Variants in EYA4 observed in about 807,000 individuals in gnomAD.
EYA4 encodes the protein EYA transcriptional coactivator and phosphatase 4, also known as protein phosphatase EYA4.
EYA4 carries 31 observed loss-of-function variants against 87.9 expected under a neutral mutation model. The ratio of observed to expected loss-of-function variants is 0.35; its 90% CI spans 0.27 to 0.48. EYA4 has a LOEUF of 0.48. EYA4 is among the 20% of genes least tolerant of loss of function. The pLI is 0.99. For missense variants in EYA4, 678 were observed against 761.4 expected, an observed-to-expected ratio of 0.89 and a Z score of 1.29; for synonymous variants, 263 against 270.6, an observed-to-expected ratio of 0.97 and a Z score of 0.28.
chr6:133,405,604 A>T (rs211618), intron 3 of EYA4, among the ~76,000 whole-genome samples: 13,088 of 152,246 alleles, frequency 0.086, 670 homozygotes, highest in Non-Finnish European at 0.11. Context: ...AATGTCAATT[A>T]TGTTCCAGGC....
intron 2 of EYA4, among the ~76,000 whole-genome samples, chr6:133,313,794 C>T (rs1044126887): frequency 2.0e-5 from 3 of 152,050 alleles, no homozygotes; most frequent in Admixed American, 6.6e-5. Context: ...CTGTCAGTTT[C>T]ATTCATTTCA....
In EYA4 at chr6:133,461,136, C is replaced by T; in HGVS notation, c.393C>T (p.Ser131=). 6.2e-7 allele frequency: 1 copy of T among 1,612,966 alleles called. No individual in the cohort carries two copies. The highest frequency in any genetic ancestry group is 2.2e-5 in the East Asian group (1 of 44,846). ...CAGTAATTACAAGTAGTGGCTACAG[C>T]CCCAGATCAGCACATCAGTATTCCC... is the stretch of plus-strand genomic sequence containing the variant. ...TGSVITSSGY[S]PRSAHQYSPQ... is the part of the protein sequence containing the mutation. The change falls in exon 7 of 20, where the codon AGC becomes AGT. Residue 131 remains serine (S), a synonymous_variant. Coordinates refer to ENST00000355286, the MANE Select transcript of EYA4 (RefSeq NM_004100.5).
chr6:133,393,832 G>T (rs557472961), intron 3 of EYA4, among the ~76,000 whole-genome samples: 1 of 152,076 alleles, frequency 6.6e-6, no homozygotes, highest in East Asian at 1.9e-4. Context: ...CTAAGACTAG[G>T]GCTCTCTCCT....
chr6:133,519,502 C>A (rs1169340976), intron 17 of EYA4, among the ~76,000 whole-genome samples: 10 of 151,284 alleles, frequency 6.6e-5, no homozygotes, highest in Admixed American at 5.9e-4. Context: ...GGCAATAATC[C>A]ATAGCTTACC....
intron 2 of EYA4, among the ~76,000 whole-genome samples, chr6:133,334,242 G>A (rs532755400): frequency 6.6e-5 from 10 of 152,208 alleles, no homozygotes; most frequent in African/African-American, 2.4e-4. Context: ...TAAAAAATCC[G>A]ATTTTAAAGA....
At chr6:133,415,290 C>CT (rs1444640579) in intron 3 of EYA4, among the ~76,000 whole-genome samples, 1 of 152,284 alleles carries the variant, frequency 6.6e-6, no homozygotes, top group South Asian at 2.1e-4. Flanking sequence ...TACCTATCTT[C>CT]TTTTTTGTAA....
At chr6:133,413,253 A>G (rs924003309) in intron 3 of EYA4, among the ~76,000 whole-genome samples, 3 of 152,242 alleles carry the variant, frequency 2.0e-5, no homozygotes, top group East Asian at 1.9e-4. Context: ...TAAACTTACT[A>G]TGTTTCATCT....
rs547345605 is a variant in EYA4 at position 133,319,355 on chromosome 6, A to T, written c.33+44542A>T. On this transcript the variant is annotated intron_variant, in intron 2 of 19. Transcript: ENST00000355286. Reference sequence around the variant, plus strand: ...GTATCTGTAATTGCCAGGAAACTAGATGAGTAAAAATCTTCCCTATGGATT... The same window carrying T: ...GTATCTGTAATTGCCAGGAAACTAGTTGAGTAAAAATCTTCCCTATGGATT... Among the ~76,000 whole-genome samples, 29 of 152,340 alleles carry T rather than the reference A, an allele frequency of 1.9e-4. No individual in the cohort carries two copies. The South Asian group carries it at 5.6e-3, about 29-fold the overall frequency.
At chr6:133,496,011 TATC>T (rs1323339330) in intron 13 of EYA4, among the ~76,000 whole-genome samples, 8 of 152,250 alleles carry the variant, frequency 5.3e-5, no homozygotes, top group African/African-American at 1.7e-4. Flanking sequence ...CAATGCATGT[TATC>T]ATATTAAAGG....
intron 2 of EYA4, among the ~76,000 whole-genome samples, chr6:133,326,829 A>G (rs1044934836): frequency 3.9e-5 from 6 of 152,174 alleles, no homozygotes; most frequent in Non-Finnish European, 8.8e-5. Context: ...TGACGTCGTC[A>G]TCTTCCATGT....
chr6:133,510,355 T>C, intron 14 of EYA4: 1 of 194,642 alleles, frequency 5.1e-6, no homozygotes, highest in Non-Finnish European at 1.1e-5. Flanking sequence ...ATGGGCAACT[T>C]CATGTGACAC....
At chr6:133,309,836 A>G (rs1026552002) in intron 2 of EYA4, among the ~76,000 whole-genome samples, 2 of 152,202 alleles carry the variant, frequency 1.3e-5, no homozygotes, top group African/African-American at 4.8e-5. Flanking sequence ...CTAGAGCTTC[A>G]TCTTATTCTT....
rs778813435 is a variant in EYA4 at position 133,513,501 on chromosome 6, GTTTAT to G, written c.1501+469_1501+473del. ...ATGTCATTTCAAAGACTTTCAACAG[GTTTAT>G]TTTATCTTTTAAAAAAATCATGTTT... On this transcript the variant is annotated intron_variant, in intron 16 of 19. Coordinates refer to ENST00000355286, the MANE Select transcript of EYA4 (RefSeq NM_004100.5). Among the ~76,000 whole-genome samples the G allele has an allele frequency of 7.2e-4, 109 of 152,088 alleles. 1 individual carries two copies. Among genetic ancestry groups the G allele is most frequent in the Middle Eastern group, 6.8e-3 (2 of 294 alleles).
At chr6:133,320,480 G>GT (rs66590855) in intron 2 of EYA4, among the ~76,000 whole-genome samples, 64,478 of 149,384 alleles carry the variant, frequency 0.43, 14,425 homozygotes, top group Non-Finnish European at 0.51. Flanking sequence ...TATTTTACTT[G>GT]TTTTTTTTTC....
At chr6:133,331,549 G>A (rs892514991) in intron 2 of EYA4, among the ~76,000 whole-genome samples, 4 of 152,044 alleles carry the variant, frequency 2.6e-5, no homozygotes, top group African/African-American at 9.7e-5. Flanking sequence ...AGTTGACATG[G>A]GCACAAGGCA....
At chr6:133,482,737 C>T (rs1425078020) in intron 12 of EYA4, among the ~76,000 whole-genome samples, 3 of 152,116 alleles carry the variant, frequency 2.0e-5, no homozygotes, top group Non-Finnish European at 4.4e-5. Context: ...TTCAAGCATG[C>T]TTCTATCATA....
intron 11 of EYA4, among the ~76,000 whole-genome samples, chr6:133,470,273 T>G (rs1297080004): frequency 2.4e-5 from 1 of 41,910 alleles, no homozygotes; most frequent in African/African-American, 1.2e-4. Context: ...TTGTATAAGG[T>G]GTAAGGAAGG....
intron 2 of EYA4, among the ~76,000 whole-genome samples, chr6:133,282,841 G>T (rs1048398517): frequency 5.3e-5 from 8 of 152,148 alleles, no homozygotes; most frequent in African/African-American, 1.9e-4. Flanking sequence ...CCTCATAACT[G>T]CTAATTCTGG....
intron 2 of EYA4, among the ~76,000 whole-genome samples, chr6:133,372,578 T>TG (rs1245382859): frequency 3.3e-5 from 5 of 151,834 alleles, no homozygotes; most frequent in African/African-American, 1.2e-4. Flanking sequence ...AAATACATTT[T>TG]TTTTTATTGT....
Sources: allele counts gnomAD v4.1 joint callset (sites outside exome capture counted in the v4.1 genomes callset), GRCh38; gene constraint gnomAD v4.1.1; transcripts MANE v1.5; gene names NCBI Gene and HGNC (gene_info 2026-07-23, HGNC 2026-07-21).